Variants in ZFPM2 observed in about 807,000 individuals in gnomAD.
ZFPM2 encodes zinc finger protein, FOG family member 2, also known as zinc finger protein ZFPM2.
ZFPM2 carries 20 observed loss-of-function variants against 98.6 expected under a neutral mutation model. That is an observed-to-expected ratio of 0.20 (90% CI 0.14 to 0.29). The LOEUF is 0.29. Among genes scored for constraint, ZFPM2 ranks in the 10% least tolerant of loss-of-function variants. The pLI is 1.00. For synonymous variants in ZFPM2, 518 were observed against 502.7 expected (o/e 1.03, Z -0.41); for missense variants, 1,310 against 1,388.6 (o/e 0.94, Z 0.90).
At chr8:105,626,013 G>C (rs1213813036) in intron 4 of ZFPM2, among the ~76,000 whole-genome samples, 1 of 150,892 alleles carries the variant, frequency 6.6e-6, no homozygotes, top group African/African-American at 2.4e-5. Context: ...AGGGAGGGAA[G>C]GAAGGAAGGA....
intron 5 of ZFPM2, among the ~76,000 whole-genome samples, chr8:105,759,923 C>A (rs149195474): frequency 1.0e-3 from 152 of 152,082 alleles, no homozygotes; most frequent in Non-Finnish European, 1.9e-3. Context: ...TATTTAAAGG[C>A]TATGCTAGTG....
intron 6 of ZFPM2, chr8:105,797,373 C>CAGTT (rs1813863816): frequency 1.3e-5 from 2 of 152,218 alleles, no homozygotes; most frequent in Non-Finnish European, 2.9e-5. Flanking sequence ...TAGAGTACTG[C>CAGTT]AGTTACCTCC....
rs190822097 is a variant in ZFPM2 at position 105,753,503 on chromosome 8, T to C, written c.533-35215T>C. Reference sequence around the variant, plus strand: ...AGATTACTACTAGAGCTGAATTATTTTGGAAAGAACTGCCACCAGAGAAAA... The same window carrying C: ...AGATTACTACTAGAGCTGAATTATTCTGGAAAGAACTGCCACCAGAGAAAA... On this transcript the variant is annotated intron_variant, in intron 5 of 7. Transcript: ENST00000407775. 1.1e-4 allele frequency among the ~76,000 whole-genome samples: 17 copies of C among 152,222 alleles called. No individual in the cohort carries two copies. In the East Asian group the frequency reaches 2.1e-3, roughly 19 times the overall value.
chr8:105,323,585 T>C (rs1203498224), intron 1 of ZFPM2, among the ~76,000 whole-genome samples: 1 of 151,928 alleles, frequency 6.6e-6, no homozygotes, highest in Non-Finnish European at 1.5e-5. Flanking sequence ...AATTTCCTGA[T>C]TTATGAATTT....
chr8:105,571,378 A>T (rs188556484), intron 4 of ZFPM2, among the ~76,000 whole-genome samples: 94 of 152,338 alleles, frequency 6.2e-4, no homozygotes, highest in Non-Finnish European at 1.1e-3. Flanking sequence ...TGTAAAGCAT[A>T]ACTATTGTTT....
intron 5 of ZFPM2, among the ~76,000 whole-genome samples, chr8:105,776,761 A>G (rs1306675344): frequency 6.6e-6 from 1 of 152,174 alleles, no homozygotes; most frequent in African/African-American, 2.4e-5. Context: ...CTGGTATTCA[A>G]GGAAAACTTA....
Position 105,803,548 on chromosome 8 carries a change from A to ACAT in ZFPM2, c.*13_*15dup, listed in dbSNP as rs1268912319. On this transcript the variant is annotated 3_prime_UTR_variant, in exon 8 of 8. Coordinates refer to ENST00000407775, the MANE Select transcript of ZFPM2 (RefSeq NM_012082.4). The stretch of plus-strand genomic sequence containing the variant: ...AGAACATGTCAAATGAACTAACTAA[A>ACAT]CATCAGTCACCTTTGGTATCAGTGT... 2 of 1,596,494 alleles carry ACAT rather than the reference A, an allele frequency of 1.3e-6. No individual in the cohort carries two copies. The highest frequency in any genetic ancestry group is 3.5e-5 in the Admixed American group (2 of 57,274).
intron 3 of ZFPM2, among the ~76,000 whole-genome samples, chr8:105,466,571 T>C (rs1812799677): frequency 6.6e-6 from 1 of 152,094 alleles, no homozygotes; most frequent in African/African-American, 2.4e-5. Context: ...TTCGTTGTTA[T>C]TCCCATAGGT....
chr8:105,724,240 C>A (rs987140889), intron 5 of ZFPM2, among the ~76,000 whole-genome samples: 3 of 151,874 alleles, frequency 2.0e-5, no homozygotes, highest in African/African-American at 7.2e-5. Flanking sequence ...GGCATAGTTG[C>A]AGCAAGAGCT....
At chr8:105,372,077 C>T (rs2129819558) in intron 1 of ZFPM2, among the ~76,000 whole-genome samples, 1 of 151,516 alleles carries the variant, frequency 6.6e-6, no homozygotes, top group South Asian at 2.1e-4. Context: ...GAGTCTTGCT[C>T]TGTCACCCAG....
At chr8:105,322,319 T>C (rs1812042078) in intron 1 of ZFPM2, among the ~76,000 whole-genome samples, 1 of 152,150 alleles carries the variant, frequency 6.6e-6, no homozygotes, top group Non-Finnish European at 1.5e-5. Context: ...GTAAATGTGT[T>C]GTGTGTGCAG....
At chr8:105,778,589 A>C (rs1813165411) in intron 5 of ZFPM2, among the ~76,000 whole-genome samples, 1 of 152,108 alleles carries the variant, frequency 6.6e-6, no homozygotes, top group Admixed American at 6.6e-5. Context: ...ACAAGAGATC[A>C]TGATTTACTT....
intron 5 of ZFPM2, among the ~76,000 whole-genome samples, chr8:105,640,028 A>C (rs1816921160): frequency 6.6e-6 from 1 of 152,020 alleles, no homozygotes; most frequent in Non-Finnish European, 1.5e-5. Context: ...TCTTTGTTCT[A>C]TTCTAGACAC....
At chr8:105,781,198 G>T (rs1033330516) in intron 5 of ZFPM2, among the ~76,000 whole-genome samples, 1 of 152,140 alleles carries the variant, frequency 6.6e-6, no homozygotes, top group African/African-American at 2.4e-5. Flanking sequence ...CCTCCTAACT[G>T]TATTGTGCAG....
At chr8:105,644,313 T>C (rs1355599318) in intron 5 of ZFPM2, among the ~76,000 whole-genome samples, 1 of 146,302 alleles carries the variant, frequency 6.8e-6, no homozygotes, top group African/African-American at 2.5e-5. Flanking sequence ...AAAAACAGGG[T>C]TTTGCCATGT....
chr8:105,667,829 C>T (rs984085641), intron 5 of ZFPM2, among the ~76,000 whole-genome samples: 4 of 152,062 alleles, frequency 2.6e-5, no homozygotes, highest in Non-Finnish European at 5.9e-5. Context: ...TATTAAAATG[C>T]CATGTGTTTA....
At chr8:105,407,637 A>G (rs922960020) in intron 1 of ZFPM2, among the ~76,000 whole-genome samples, 24 of 151,914 alleles carry the variant, frequency 1.6e-4, no homozygotes, top group Admixed American at 1.3e-3. Context: ...GAGGAAAGGG[A>G]TGTGCATTTT....
In ZFPM2 at chr8:105,789,880, C is replaced by T. The variant is rs1586268899; in HGVS notation, c.739+956C>T. On this transcript the variant is annotated intron_variant, in intron 6 of 7. Transcript: ENST00000407775. Reference sequence around the variant, plus strand: ...ATGTGTTTTTTGGCTGCATAAATGTCTTCTTTTGAGAAGTGTCTGTTCATG... The same window carrying T: ...ATGTGTTTTTTGGCTGCATAAATGTTTTCTTTTGAGAAGTGTCTGTTCATG... Among the ~76,000 whole-genome samples, 6 of 150,132 alleles carry T rather than the reference C, an allele frequency of 4.0e-5. No homozygotes were observed. In the East Asian group the frequency reaches 9.9e-4, roughly 25 times the overall value.
intron 3 of ZFPM2, among the ~76,000 whole-genome samples, chr8:105,449,288 A>G: frequency 6.6e-6 from 1 of 152,056 alleles, no homozygotes; most frequent in African/African-American, 2.4e-5. Context: ...TGCTACTTAA[A>G]TATGCAAATA....
Sources: gnomAD v4.1 joint callset for allele counts (sites outside exome capture counted in the v4.1 genomes callset) on GRCh38, gnomAD v4.1.1 for gene constraint, MANE v1.5 for transcripts, NCBI Gene and HGNC (gene_info 2026-07-23, HGNC 2026-07-21) for gene names.